Variants in COQ8B observed in about 807,000 individuals in gnomAD.
The protein encoded by COQ8B is coenzyme Q8B.
A neutral mutation model predicts 62.0 loss-of-function variants in COQ8B; 44 were observed. The observed-to-expected ratio is 0.71, with a 90% CI of 0.56 to 0.91. The LOEUF (loss-of-function observed/expected upper bound fraction) is 0.91, where lower values mean the gene tolerates loss of function less well. Among genes scored for constraint, COQ8B ranks in the 40% least tolerant of loss-of-function variants. COQ8B has a pLI of 0.00. For missense variants in COQ8B, 649 were observed against 731.6 expected (o/e 0.89, Z 1.30); for synonymous variants, 252 against 289.9 (o/e 0.87, Z 1.33).
At chr19:40,714,016 G>T in intron 4 of COQ8B, 51 bp downstream of exon 4, 1 of 1,578,112 alleles carries the variant, frequency 6.3e-7, no homozygotes, top group South Asian at 1.1e-5. Context: ...ATCTGTAAAT[G>T]TTGCCCTTTC....
In COQ8B at chr19:40,716,886, G is replaced by A. The variant is rs987115756; in HGVS notation, c.-303C>T. The A allele has an allele frequency of 1.1e-5, 3 of 263,694 alleles. No individual in the cohort carries two copies. Among genetic ancestry groups the A allele is most frequent in the Non-Finnish European group, 2.1e-5 (3 of 140,040 alleles). 16.3% of individuals were successfully genotyped at this position (263,694 alleles called of 1,614,324 possible). On this transcript the variant is annotated 5_prime_UTR_variant, in exon 1 of 15. Transcript: ENST00000324464. ...CCTGGCCGCGCTTCGGATGCTCAGA[G>A]GCAAACCCCCTCCCCTTGGGAGGCG...
At chr19:40,695,321 TAA>T (rs778764973) in intron 13 of COQ8B, among the ~76,000 whole-genome samples, 11 of 64,290 alleles carry the variant, frequency 1.7e-4, no homozygotes, top group Admixed American at 5.5e-4. Flanking sequence ...CTGTCTCAAT[TAA>T]AAAAAAAAAA....
chr19:40,694,605 C>T (rs1017457365), intron 13 of COQ8B, among the ~76,000 whole-genome samples: 2 of 152,154 alleles, frequency 1.3e-5, no homozygotes, highest in Admixed American at 6.5e-5. Context: ...TAGCATCTTA[C>T]ACCCACCTCC....
intron 5 of COQ8B, among the ~76,000 whole-genome samples, chr19:40,705,891 T>C (rs567800888): frequency 1.4e-5 from 2 of 147,308 alleles, no homozygotes; most frequent in South Asian, 2.1e-4. Context: ...GATCGCACCA[T>C]TGCACTCCAG....
chr19:40,698,010 G>A (rs1416135693), intron 12 of COQ8B, among the ~76,000 whole-genome samples: 4 of 150,690 alleles, frequency 2.7e-5, no homozygotes, highest in Admixed American at 2.0e-4. Flanking sequence ...GAGGTCAGGA[G>A]TTCGAGACCA....
At chr19:40,705,229 G>A (rs371816247) in intron 6 of COQ8B, 48 bp from the exon 7 acceptor site, 2 of 1,603,838 alleles carry the variant, frequency 1.2e-6, no homozygotes, top group South Asian at 2.2e-5. Flanking sequence ...GAGGTGAGGA[G>A]GGACCCCGTG....
chr19:40,714,583 C>T lies in COQ8B; in HGVS notation c.50G>A (p.Gly17Asp). 6.2e-7 allele frequency: 1 copy of T among 1,613,220 alleles called. No individual in the cohort carries two copies. The highest frequency in any genetic ancestry group is 8.5e-7 in the Non-Finnish European group (1 of 1,179,716). Residue 17 changes from glycine (G) to aspartate (D), a missense_variant, in exon 2 of 15, where the codon GGC (glycine) becomes GAC (aspartate). By Grantham distance (94) the Gly-to-Asp change is moderately conservative. Coordinates refer to ENST00000324464, the MANE Select transcript of COQ8B (RefSeq NM_024876.4). ...CCCACAAGGCCAACCAACAGTCTGG[C>T]CCAGCTGTCCACCGGTCCCCCGAAG... ...GLLRGTGGQL[G>D]QTVGWPCGAL...
At position 40,692,376 on chromosome 19, in the gene COQ8B, G is replaced by A. The variant is rs1488547530; in HGVS notation, c.1297-3C>T. ...TCCACGTGGGCGTCGGAGAATGCCTGGGAGTGGGGGTGGGGGGAGAGCAAA... is the reference window on the plus strand; with the variant it reads ...TCCACGTGGGCGTCGGAGAATGCCTAGGAGTGGGGGTGGGGGGAGAGCAAA... On this transcript the variant is annotated splice_polypyrimidine_tract_variant and splice_region_variant and intron_variant, in intron 14 of 14. Transcript: ENST00000324464. 3 of 1,612,362 alleles carry A rather than the reference G, an allele frequency of 1.9e-6. No individual in the cohort carries two copies. The highest frequency in any genetic ancestry group is 2.7e-5 in the African/African-American group (2 of 74,982).
intron 12 of COQ8B, among the ~76,000 whole-genome samples, chr19:40,697,837 T>G (rs1402692930): frequency 2.4e-4 from 12 of 49,072 alleles, no homozygotes; most frequent in African/African-American, 9.3e-4. Context: ...TATATATATA[T>G]ATATATATAT....
At chr19:40,701,630 T>C (rs145292695) in intron 10 of COQ8B, among the ~76,000 whole-genome samples, 3 of 152,298 alleles carry the variant, frequency 2.0e-5, no homozygotes, top group Non-Finnish European at 4.4e-5. Flanking sequence ...GGGCATTTAA[T>C]CGGCACACTC....
chr19:40,705,230 G>T (rs887025090), intron 6 of COQ8B, 49 bp from the exon 7 acceptor site: 1 of 1,602,934 alleles, frequency 6.2e-7, no homozygotes, highest in Admixed American at 1.7e-5. Context: ...AGGTGAGGAG[G>T]GACCCCGTGT....
Position 40,702,433 on chromosome 19 carries a change from G to T in COQ8B, c.893+167C>A, listed in dbSNP as rs528946577. Among the ~76,000 whole-genome samples the T allele has an allele frequency of 2.0e-4, 30 of 152,284 alleles. 1 individual carries two copies. The highest frequency in any genetic ancestry group is 3.3e-4 in the Admixed American group (5 of 15,288). On this transcript the variant is annotated intron_variant, in intron 10 of 14. Coordinates refer to ENST00000324464, the MANE Select transcript of COQ8B (RefSeq NM_024876.4). ...CTGCCCAAGCTCACAGAGGACAAAG[G>T]GGGTAAGCGAAGTGATGGATGAGTG... is the stretch of plus-strand genomic sequence containing the variant.
Position 40,702,672 on chromosome 19 carries a change from A to C in COQ8B, c.821T>G (p.Leu274Arg). The C allele has an allele frequency of 6.2e-7, 1 of 1,610,254 alleles. No individual in the cohort carries two copies. The highest frequency in any genetic ancestry group is 8.5e-7 in the Non-Finnish European group (1 of 1,179,950). ...AGCCAGCTCCTGCTGCAAGGCCTGC[A>C]GGCTCTGCTCGGCAAACAGGCCTGT... is the stretch of plus-strand genomic sequence containing the variant. ...LPAGLFAEQS[L>R]QALQQELAWE... The change falls in exon 10 of 15, where the codon CTG becomes CGG. Residue 274 changes from leucine to arginine, a missense_variant. Coordinates refer to ENST00000324464, the MANE Select transcript of COQ8B (RefSeq NM_024876.4).
Position 40,714,052 on chromosome 19 carries a change from C to A in COQ8B, c.289+15G>T, listed in dbSNP as rs767944846. The A allele has an allele frequency of 6.2e-7, 1 of 1,614,064 alleles. No homozygotes were observed. Among genetic ancestry groups the A allele is most frequent in the East Asian group, 2.2e-5 (1 of 44,874 alleles). Reference sequence around the variant, plus strand: ...TAATTGAGGTCACACCAAGATCCCCCAAAGTCACACCTACCCCCAAAGTTG... The same window carrying A: ...TAATTGAGGTCACACCAAGATCCCCAAAAGTCACACCTACCCCCAAAGTTG... On this transcript the variant is annotated intron_variant, in intron 4 of 14. Transcript: ENST00000324464.
At chr19:40,709,703 G>A (rs1204451999) in intron 5 of COQ8B, among the ~76,000 whole-genome samples, 3 of 152,084 alleles carry the variant, frequency 2.0e-5, no homozygotes, top group Non-Finnish European at 2.9e-5. Flanking sequence ...TTAACCAAGC[G>A]TGGTGGCATG....
chr19:40,701,018 A>G (rs2082056765), intron 10 of COQ8B: 1 of 154,372 alleles, frequency 6.5e-6, no homozygotes, highest in South Asian at 2.0e-4. Flanking sequence ...TCACAAACAG[A>G]CGGATTATAG....
At chr19:40,713,469 A>G (rs1308304078) in intron 4 of COQ8B, among the ~76,000 whole-genome samples, 1 of 152,006 alleles carries the variant, frequency 6.6e-6, no homozygotes, top group African/African-American at 2.4e-5. Context: ...AATCGGCTTG[A>G]ACCCGGGAGG....
chr19:40,710,403 G>A (rs771702264), intron 4 of COQ8B, among the ~76,000 whole-genome samples: 11 of 152,014 alleles, frequency 7.2e-5, no homozygotes, highest in Non-Finnish European at 1.3e-4. Context: ...CGCCCACCAC[G>A]CCTGGCTAAA....
At chr19:40,714,871 T>C in intron 1 of COQ8B, 1 of 1,302,782 alleles carries the variant, frequency 7.7e-7, no homozygotes, top group Admixed American at 3.8e-5. Flanking sequence ...GTTGCTAGGG[T>C]CCGCCCCCGT....
Sources: gnomAD v4.1 joint callset for allele counts (sites outside exome capture counted in the v4.1 genomes callset) on GRCh38, gnomAD v4.1.1 for gene constraint, MANE v1.5 for transcripts, NCBI Gene and HGNC (gene_info 2026-07-23, HGNC 2026-07-21) for gene names.